Variants in TM6SF2 observed in about 807,000 individuals in gnomAD.
The protein encoded by TM6SF2 is transmembrane 6 superfamily member 2.
Under a neutral mutation model 41.0 loss-of-function variants are expected in TM6SF2, and 29 were observed. The ratio of observed to expected loss-of-function variants is 0.71; its 90% confidence interval spans 0.53 to 0.96. The LOEUF is 0.96. TM6SF2 is among the 50% of genes least tolerant of loss of function. TM6SF2 has a pLI of 0.00. For synonymous variants in TM6SF2, 200 were observed against 209.1 expected (o/e 0.96, Z 0.37); for missense variants, 475 against 499.0 (o/e 0.95, Z 0.46).
At chr19:19,266,249 C>T (rs1252657358) in intron 9 of TM6SF2, among the ~76,000 whole-genome samples, 1 of 152,110 alleles carries the variant, frequency 6.6e-6, no homozygotes, top group Non-Finnish European at 1.5e-5. Context: ...CTATGCCTTG[C>T]TTCTAGGAAA....
At chr19:19,265,836 T>A (rs1027115730) in intron 9 of TM6SF2, among the ~76,000 whole-genome samples, 3 of 152,112 alleles carry the variant, frequency 2.0e-5, no homozygotes, top group East Asian at 3.9e-4. Context: ...CTGCACCCCA[T>A]CTCTCTCTGA....
At chr19:19,266,675 G>C in intron 8 of TM6SF2, 66 bp from the exon 9 acceptor site, 1 of 1,541,562 alleles carries the variant, frequency 6.5e-7, no homozygotes, top group Non-Finnish European at 8.8e-7. Context: ...TGGGTCTCCT[G>C]AGACCCCTGA....
intron 4 of TM6SF2, 78 bp from the exon 5 acceptor site, chr19:19,269,847 C>T (rs10422620): frequency 3.1e-6 from 5 of 1,603,796 alleles, no homozygotes; most frequent in East Asian, 2.2e-5. Context: ...TGGAGACCAC[C>T]GTGGGTTTCC....
intron 1 of TM6SF2, 23 bp from the exon 2 acceptor site, chr19:19,271,148 A>G (rs2061022760): frequency 6.3e-7 from 1 of 1,593,230 alleles, no homozygotes; most frequent in African/African-American, 1.3e-5. Context: ...AAGCCAAGTC[A>G]GGGAGGCCAG....
intron 6 of TM6SF2, among the ~76,000 whole-genome samples, chr19:19,268,372 A>AT (rs980560543): frequency 6.6e-6 from 1 of 151,610 alleles, no homozygotes; most frequent in African/African-American, 2.4e-5. Context: ...CATCTGGCTA[A>AT]TTTTTTAACT....
At position 19,270,444 on chromosome 19, in the gene TM6SF2, T is replaced by C. The variant is rs775461758; in HGVS notation, c.200-2A>G. The C allele has an allele frequency of 3.7e-6, 6 of 1,602,866 alleles. No homozygotes were observed. Among genetic ancestry groups the C allele is most frequent in the South Asian group, 1.1e-5 (1 of 89,646 alleles). On this transcript the variant is annotated splice_acceptor_variant, in intron 2 of 9. Transcript: ENST00000389363. LOFTEE classifies it high-confidence loss of function. ...AGGTGAAGGCGAAGACAGCGAAGACTGCAGTGAGTGGGCGGGCCGGGTCAG... is the reference window on the plus strand; with the variant it reads ...AGGTGAAGGCGAAGACAGCGAAGACCGCAGTGAGTGGGCGGGCCGGGTCAG...
At chr19:19,265,370 C>T (rs1474230143) in intron 9 of TM6SF2, among the ~76,000 whole-genome samples, 1 of 124,074 alleles carries the variant, frequency 8.1e-6, no homozygotes, top group Non-Finnish European at 1.7e-5. Flanking sequence ...TTCTATCTAT[C>T]TATCTATCTA....
rs113046036 is a variant in TM6SF2 at position 19,266,104 on chromosome 19, C to A, written c.924+386G>T. ...GCCTTCAGCATCCAGCTGCCAATTT[C>A]TCTTATCTGCCTTTACCTGGGTTAT... On this transcript the variant is annotated intron_variant, in intron 9 of 9. Coordinates refer to ENST00000389363, the MANE Select transcript of TM6SF2 (RefSeq NM_001001524.3). 1.1e-4 allele frequency among the ~76,000 whole-genome samples: 17 copies of A among 152,278 alleles called. 1 individual carries two copies. The highest frequency in any genetic ancestry group is 4.1e-4 in the African/African-American group (17 of 41,558).
chr19:19,267,802 G>T, intron 7 of TM6SF2, 89 bp from the exon 8 acceptor site: 1 of 1,298,646 alleles, frequency 7.7e-7, no homozygotes, highest in Non-Finnish European at 1.1e-6. Flanking sequence ...CCTTGCTCTG[G>T]CCTCTCCCAG....
rs1284109108 is a variant in TM6SF2, at chr19:19,268,649, G to C, written c.590C>G (p.Thr197Ser). ...MKVFSQPRAL[T>S]RCTANMVQEE... is the part of the protein sequence containing the mutation. ...ACTCACCATGTTGGCGGTGCAGCGGGTTAGCGCCCGGGGCTGGCTGAAGAC... is the reference window on the plus strand; with the variant it reads ...ACTCACCATGTTGGCGGTGCAGCGGCTTAGCGCCCGGGGCTGGCTGAAGAC... The change falls in exon 6 of 10, where the codon ACC becomes AGC. Residue 197 changes from threonine (T) to serine (S), a missense_variant. Physicochemically the swap from Thr to Ser is moderately conservative, Grantham distance 58. Transcript: ENST00000389363. 2 of 1,588,448 alleles carry C rather than the reference G, an allele frequency of 1.3e-6. No homozygotes were observed. The highest frequency in any genetic ancestry group is 1.7e-4 in the Middle Eastern group (1 of 5,986).
chr19:19,273,104 C>G lies in TM6SF2; in HGVS notation c.95+17G>C. 1 of 1,373,712 alleles carries G rather than the reference C, an allele frequency of 7.3e-7. No homozygotes were observed. 85.1% of individuals were successfully genotyped at this position (1,373,712 alleles called of 1,614,324 possible). A position where few individuals can be genotyped will look rare whatever the true frequency, so the allele number is the denominator to read the frequency against. On this transcript the variant is annotated intron_variant, in intron 1 of 9. Coordinates refer to ENST00000389363, the MANE Select transcript of TM6SF2 (RefSeq NM_001001524.3). ...CCCACTGTCCCCAAGGCCGCCCTGG[C>G]CCCTCTCCGCACGCACTGCGAGAGC...
At chr19:19,269,837 T>C (rs2074299) in intron 4 of TM6SF2, 68 bp from the exon 5 acceptor site, 575,632 of 1,608,836 alleles carry the variant, frequency 0.36, 107,536 homozygotes, top group African/African-American at 0.62. Context: ...AGCCAGGGCC[T>C]GGAGACCACC....
intron 1 of TM6SF2, among the ~76,000 whole-genome samples, chr19:19,271,528 T>C (rs574320154): frequency 5.3e-5 from 8 of 151,326 alleles, no homozygotes; most frequent in East Asian, 1.9e-4. Context: ...TTTTCTTTCT[T>C]TCTCTCTCTC....
Position 19,265,792 on chromosome 19 carries a change from C to T in TM6SF2, c.924+698G>A, listed in dbSNP as rs757245760. 1.1e-3 allele frequency among the ~76,000 whole-genome samples: 174 copies of T among 151,924 alleles called. 1 individual carries two copies. The highest frequency in any genetic ancestry group is 0.011 in the Admixed American group (167 of 15,142). On this transcript the variant is annotated intron_variant, in intron 9 of 9. Transcript: ENST00000389363. ...TGTGCTTGTCCACTTGTCTGTGAGT[C>T]CCCCCCAACTTGCCTAACCCCATCT... is the stretch of plus-strand genomic sequence containing the variant.
chr19:19,270,204 A>G lies in TM6SF2; in HGVS notation c.370T>C (p.Tyr124His), dbSNP rs2061018127. The change falls in exon 4 of 10, where the codon TAC becomes CAC. Residue 124 changes from tyrosine to histidine, a missense_variant. Physicochemically the swap from Tyr to His is moderately conservative, Grantham distance 83. Coordinates refer to ENST00000389363, the MANE Select transcript of TM6SF2 (RefSeq NM_001001524.3). ...YWDGTVHYLL[Y>H]LAMAGAICRR... ...CAGATGGCGCCGGCCATGGCCAGGT[A>G]GAGGAGGTAGTGAACAGTGCCATCC... The G allele has an allele frequency of 1.9e-6, 3 of 1,613,928 alleles. No homozygotes were observed. The highest frequency in any genetic ancestry group is 2.2e-5 in the East Asian group (1 of 44,886).
At position 19,271,122 on chromosome 19, in the gene TM6SF2, G is replaced by A. The variant is rs753204217; in HGVS notation, c.99C>T (p.Pro33=). 3.1e-6 allele frequency: 5 copies of A among 1,613,952 alleles called. No homozygotes were observed. Among genetic ancestry groups the A allele is most frequent in the Admixed American group, 3.3e-5 (2 of 60,004 alleles). The change falls in exon 2 of 10, where the codon CCC becomes CCT. Residue 33 remains proline, a synonymous_variant. Coordinates refer to ENST00000389363, the MANE Select transcript of TM6SF2 (RefSeq NM_001001524.3). ...GGGCGCTCATCAATGCCACCCACAG[G>A]GGGCTGTGGAGAGGGAAGCCAAGTC... ...ALNHVSALSH[P]LWVALMSALI...
At chr19:19,268,798 T>C (rs1164847243) in intron 5 of TM6SF2, 44 bp from the exon 6 acceptor site, 8 of 1,540,590 alleles carry the variant, frequency 5.2e-6, no homozygotes, top group Non-Finnish European at 6.1e-6. Flanking sequence ...GCCAGAACCC[T>C]GCTGGACATC....
At chr19:19,268,569 A>T (rs2061011779) in intron 6 of TM6SF2, 61 bp downstream of exon 6, 11 of 1,508,996 alleles carry the variant, frequency 7.3e-6, no homozygotes, top group Admixed American at 2.6e-5. Context: ...GACCAAAAGC[A>T]ACTGACACGG....
intron 9 of TM6SF2, among the ~76,000 whole-genome samples, 168 bp from the exon 10 acceptor site, chr19:19,265,041 T>G (rs937182249): frequency 1.1e-4 from 16 of 145,968 alleles, no homozygotes; most frequent in East Asian, 9.9e-4. Context: ...TCTATCTGTT[T>G]TTTTTTTTTT....
Sources: allele counts gnomAD v4.1 joint callset (sites outside exome capture counted in the v4.1 genomes callset), GRCh38; gene constraint gnomAD v4.1.1; transcripts MANE v1.5; gene names NCBI Gene and HGNC (gene_info 2026-07-23, HGNC 2026-07-21).